The following MTUS2 variants were observed in gnomAD, a reference collection of about 807,000 sequenced individuals.
MTUS2 encodes microtubule-associated tumor suppressor candidate 2.
MTUS2 carries 40 observed loss-of-function variants against 114.1 expected under a neutral mutation model. The observed-to-expected ratio is 0.35, with a 90% CI of 0.27 to 0.46. The LOEUF (loss-of-function observed/expected upper bound fraction) is 0.46. Ranked by LOEUF, MTUS2 falls within the 20% of genes least tolerant of loss-of-function variation. MTUS2 has a pLI of 1.00. For missense variants in MTUS2, 1,679 were observed against 1,705.4 expected (o/e 0.98, Z 0.27); for synonymous variants, 688 against 672.0 (o/e 1.02, Z -0.37).
intron 4 of MTUS2, among the ~76,000 whole-genome samples, chr13:29,070,746 G>A (rs1004269291): frequency 4.6e-5 from 7 of 152,052 alleles, no homozygotes; most frequent in Non-Finnish European, 1.0e-4. Context: ...TTGTGTTCTT[G>A]TTAGTTTCTA....
chr13:29,274,102 T>TTTTG (rs58871176), intron 5 of MTUS2, among the ~76,000 whole-genome samples: 4,470 of 151,896 alleles, frequency 0.029, 217 homozygotes, highest in African/African-American at 0.1. Flanking sequence ...TTGTTTTTTG[T>TTTTG]TTTGTTTGTT....
intron 8 of MTUS2, among the ~76,000 whole-genome samples, chr13:29,407,959 G>A (rs955713857): frequency 6.6e-6 from 1 of 152,026 alleles, no homozygotes; most frequent in African/African-American, 2.4e-5. Context: ...GTTTTTGTAT[G>A]TTTATGGATT....
intron 5 of MTUS2, among the ~76,000 whole-genome samples, chr13:29,160,101 C>T (rs562268516): frequency 1.3e-5 from 2 of 152,294 alleles, no homozygotes; most frequent in South Asian, 2.1e-4. Context: ...ATCCAGAAGG[C>T]CTTCCGTGGG....
rs183490808 is a variant in MTUS2 at position 28,992,885 on chromosome 13, C to G, written c.-242-31572C>G. On this transcript the variant is annotated intron_variant, in intron 2 of 15. Transcript: ENST00000612955. ...GAAACCGTCCCCGTTAAAAAACTTTCCATCTCTCCCCACAGCCCCTGGCAA... is the reference window on the plus strand; with the variant it reads ...GAAACCGTCCCCGTTAAAAAACTTTGCATCTCTCCCCACAGCCCCTGGCAA... Among the ~76,000 whole-genome samples, 55 of 152,284 alleles carry G rather than the reference C, an allele frequency of 3.6e-4. 1 individual carries two copies. The East Asian group carries it at 9.8e-3, about 27-fold the overall frequency.
chr13:29,241,693 G>A (rs554460871), intron 5 of MTUS2, among the ~76,000 whole-genome samples: 24 of 152,252 alleles, frequency 1.6e-4, no homozygotes, highest in African/African-American at 3.6e-4. Context: ...CAAGAACCCC[G>A]TCTTAGTTTA....
At chr13:29,213,216 G>T (rs1354689334) in intron 5 of MTUS2, among the ~76,000 whole-genome samples, 1 of 152,214 alleles carries the variant, frequency 6.6e-6, no homozygotes, top group Non-Finnish European at 1.5e-5. Context: ...TGTCACAGAT[G>T]ACTTGAATCC....
intron 4 of MTUS2, among the ~76,000 whole-genome samples, chr13:29,052,916 C>T (rs1043077567): frequency 1.3e-5 from 2 of 152,226 alleles, no homozygotes; most frequent in Non-Finnish European, 1.5e-5. Context: ...AGTTAGTTCT[C>T]ATGAGATCTG....
intron 5 of MTUS2, among the ~76,000 whole-genome samples, chr13:29,117,093 G>A (rs543045788): frequency 6.6e-6 from 1 of 152,254 alleles, no homozygotes; most frequent in South Asian, 2.1e-4. Flanking sequence ...TTTCTTTACC[G>A]TGTTCATGAT....
At chr13:29,112,251 G>A (rs897212148) in intron 5 of MTUS2, among the ~76,000 whole-genome samples, 5 of 152,180 alleles carry the variant, frequency 3.3e-5, no homozygotes, top group African/African-American at 1.2e-4. Context: ...GGTTGCAGGG[G>A]CAGGAGATAG....
intron 9 of MTUS2, among the ~76,000 whole-genome samples, chr13:29,472,261 T>A (rs1368851711): frequency 2.0e-5 from 3 of 152,092 alleles, no homozygotes; most frequent in Admixed American, 6.5e-5. Context: ...ACCTCAGGTG[T>A]TCTGCCTGCC....
chr13:29,225,316 G>T lies in MTUS2; in HGVS notation c.2645-56388G>T, dbSNP rs181760398. ...GTTACTGGCATATGTCAGAGCAGAGGATATACATCATAGTGTGATCATATT... is the reference window on the plus strand; with the variant it reads ...GTTACTGGCATATGTCAGAGCAGAGTATATACATCATAGTGTGATCATATT... On this transcript the variant is annotated intron_variant, in intron 5 of 15. Transcript: ENST00000612955. Among the ~76,000 whole-genome samples, 3 of 152,274 alleles carry T rather than the reference G, an allele frequency of 2.0e-5. No individual in the cohort carries two copies. The East Asian group carries it at 5.8e-4, about 29-fold the overall frequency.
At chr13:29,180,786 G>A (rs571372857) in intron 5 of MTUS2, among the ~76,000 whole-genome samples, 2 of 152,224 alleles carry the variant, frequency 1.3e-5, no homozygotes, top group South Asian at 4.1e-4. Flanking sequence ...CTTACAAGTG[G>A]GACAGCGCCT....
chr13:29,424,636 G>A (rs1876369518), intron 8 of MTUS2, among the ~76,000 whole-genome samples: 1 of 152,086 alleles, frequency 6.6e-6, no homozygotes, highest in African/African-American at 2.4e-5. Flanking sequence ...GAAACATGAA[G>A]CACACAGCAT....
intron 6 of MTUS2, among the ~76,000 whole-genome samples, chr13:29,288,876 C>T (rs898971159): frequency 2.0e-5 from 3 of 152,174 alleles, no homozygotes; most frequent in Non-Finnish European, 4.4e-5. Flanking sequence ...CAGCGTTTCA[C>T]GTGCTGCATT....
intron 4 of MTUS2, among the ~76,000 whole-genome samples, chr13:29,059,741 C>T (rs1215375405): frequency 6.6e-6 from 1 of 152,218 alleles, no homozygotes; most frequent in Non-Finnish European, 1.5e-5. Context: ...ATCAACTCTG[C>T]TGTCCTAGCA....
Position 29,092,975 on chromosome 13 carries a change from G to A in MTUS2, c.2447-7798G>A, listed in dbSNP as rs141473902. 2.0e-3 allele frequency among the ~76,000 whole-genome samples: 309 copies of A among 152,146 alleles called. 4 individuals are homozygous for A. The highest frequency in any genetic ancestry group is 4.9e-4 in the Non-Finnish European group (33 of 67,998). Reference sequence around the variant, plus strand: ...GTAAGTGTTCTCATGGAAGTGGGACGGAGTTTGTGAGGTTTTGATCTAAAT... The same window carrying A: ...GTAAGTGTTCTCATGGAAGTGGGACAGAGTTTGTGAGGTTTTGATCTAAAT... On this transcript the variant is annotated intron_variant, in intron 4 of 15. Transcript: ENST00000612955.
chr13:28,891,997 C>T (rs960541835), intron 2 of MTUS2, among the ~76,000 whole-genome samples: 2 of 152,070 alleles, frequency 1.3e-5, no homozygotes, highest in Admixed American at 1.3e-4. Context: ...CCCGGGAAGC[C>T]CTCCTTAACC....
chr13:29,261,205 G>A (rs369767442), intron 5 of MTUS2, among the ~76,000 whole-genome samples: 8 of 152,166 alleles, frequency 5.3e-5, no homozygotes, highest in East Asian at 1.9e-4. Flanking sequence ...GCCAATATGC[G>A]GTCTATTTCC....
intron 2 of MTUS2, among the ~76,000 whole-genome samples, chr13:28,978,272 G>T (rs191803282): frequency 6.6e-6 from 1 of 152,196 alleles, no homozygotes; most frequent in East Asian, 1.9e-4. Context: ...TACATCAAAA[G>T]GATTTTTCTA....
Sources: allele counts gnomAD v4.1 joint callset (sites outside exome capture counted in the v4.1 genomes callset), GRCh38; gene constraint gnomAD v4.1.1; transcripts MANE v1.5; gene names NCBI Gene and HGNC (gene_info 2026-07-23, HGNC 2026-07-21).